The following PID1 variants were observed in gnomAD, a reference collection of about 807,000 sequenced individuals.
PID1 encodes the protein phosphotyrosine interaction domain containing 1, also known as PTB-containing, cubilin and LRP1-interacting protein.
In PID1, 10 loss-of-function variants were observed where a neutral mutation model predicts 19.1. That is an observed-to-expected ratio of 0.52 (90% CI 0.32 to 0.89). The LOEUF (loss-of-function observed/expected upper bound fraction) is 0.89, where lower values mean the gene tolerates loss of function less well. Ranked by LOEUF, PID1 falls within the 40% of genes least tolerant of loss-of-function variation. The probability of loss-of-function intolerance (pLI) is 0.03; values close to 1 mark genes in which losing one functional copy is unlikely to be tolerated. For missense variants in PID1, 248 were observed against 285.3 expected (o/e 0.87, Z 0.94); for synonymous variants, 130 against 116.0 (o/e 1.12, Z -0.78).
chr2:229,079,773 G>A (rs1694634667), intron 2 of PID1, among the ~76,000 whole-genome samples: 1 of 152,198 alleles, frequency 6.6e-6, no homozygotes, highest in South Asian at 2.1e-4. Flanking sequence ...AGTTAAAAGA[G>A]CAGAGCCTGG....
intron 2 of PID1, among the ~76,000 whole-genome samples, chr2:229,030,497 AGGT>A (rs1693523315): frequency 1.3e-5 from 2 of 152,182 alleles, no homozygotes; most frequent in Non-Finnish European, 2.9e-5. Flanking sequence ...GCCTGAAATG[AGGT>A]ATATTTATTT....
chr2:229,141,090 T>C (rs1380501316), intron 2 of PID1, among the ~76,000 whole-genome samples: 2 of 152,140 alleles, frequency 1.3e-5, no homozygotes, highest in Non-Finnish European at 2.9e-5. Flanking sequence ...CTCTCTGCTC[T>C]TTCTCTTCCA....
intron 2 of PID1, among the ~76,000 whole-genome samples, chr2:229,031,972 AT>A (rs1230564881): frequency 6.6e-6 from 1 of 152,122 alleles, no homozygotes; most frequent in African/African-American, 2.4e-5. Context: ...TTCCCTCTTT[AT>A]TTTTTTGTAT....
intron 1 of PID1, among the ~76,000 whole-genome samples, chr2:229,203,734 A>G (rs1044560350): frequency 3.3e-5 from 5 of 152,066 alleles, no homozygotes; most frequent in Admixed American, 2.6e-4. Flanking sequence ...CATGATCACC[A>G]TCTACACACA....
intron 1 of PID1, among the ~76,000 whole-genome samples, chr2:229,182,298 CTG>C (rs1690962962): frequency 6.6e-6 from 1 of 152,038 alleles, no homozygotes; most frequent in African/African-American, 2.4e-5. Flanking sequence ...AAGGGGGAGG[CTG>C]TGTGTTTTGA....
At chr2:229,044,584 A>C (rs143326660) in intron 2 of PID1, among the ~76,000 whole-genome samples, 1 of 152,318 alleles carries the variant, frequency 6.6e-6, no homozygotes, top group African/African-American at 2.4e-5. Flanking sequence ...TTGGAAAGTC[A>C]AACTTGATTT....
intron 2 of PID1, among the ~76,000 whole-genome samples, chr2:229,048,084 C>T (rs906592184): frequency 1.3e-5 from 2 of 152,204 alleles, no homozygotes; most frequent in African/African-American, 4.8e-5. Flanking sequence ...ATACATTCTA[C>T]TCATCATACC....
chr2:229,039,479 AG>A (rs2106172666), intron 2 of PID1, among the ~76,000 whole-genome samples: 2 of 152,352 alleles, frequency 1.3e-5, no homozygotes, highest in Non-Finnish European at 2.9e-5. Context: ...TTAAAATGAC[AG>A]TCTTTAACAT....
At position 229,139,062 on chromosome 2, in the gene PID1, A is replaced by C. The variant is rs1459214379; in HGVS notation, c.177+16756T>G. Among the ~76,000 whole-genome samples the C allele has an allele frequency of 9.4e-4, 36 of 38,304 alleles. 3 individuals carry two copies. The highest frequency in any genetic ancestry group is 0.013 in the Middle Eastern group (1 of 80). The allele number at this position is 38,304 out of a possible 152,430, so 25.1% of individuals were successfully genotyped here. On this transcript the variant is annotated intron_variant, in intron 2 of 2. Transcript: ENST00000392055. ...AAGAGAAAGAAAGAAAGAAAGAGAA[A>C]GAAAGAAAGAAAGAAAGAAAGAAAG...
chr2:229,155,207 A>G (rs1322235491), intron 2 of PID1, among the ~76,000 whole-genome samples: 2 of 152,160 alleles, frequency 1.3e-5, no homozygotes, highest in African/African-American at 4.8e-5. Context: ...TTTCTTGTGA[A>G]CTCCAAAGTT....
At position 229,163,674 on chromosome 2, in the gene PID1, T is replaced by TGTGTGTGTGTGTGTGCGCGC. The variant is rs374622113; in HGVS notation, c.31-7711_31-7710insGCGCGCACACACACACACAC. On this transcript the variant is annotated intron_variant, in intron 1 of 2. Coordinates refer to ENST00000392055, the MANE Select transcript of PID1 (RefSeq NM_001100818.2). The stretch of plus-strand genomic sequence containing the variant: ...GAGTGTGTGTGTGTGTGTGTGTGTG[T>TGTGTGTGTGTGTGTGCGCGC]GCGTGTGCGTGTGTGTGTGTGTATA... Among the ~76,000 whole-genome samples, 216 of 94,470 alleles carry TGTGTGTGTGTGTGTGCGCGC rather than the reference T, an allele frequency of 2.3e-3. 2 individuals are homozygous for TGTGTGTGTGTGTGTGCGCGC. The highest frequency in any genetic ancestry group is 6.5e-3 in the African/African-American group (210 of 32,304). The allele number at this position is 94,470 out of a possible 152,430, so 62.0% of individuals were successfully genotyped here.
At chr2:229,130,236 C>T (rs1689702682) in intron 2 of PID1, among the ~76,000 whole-genome samples, 1 of 152,136 alleles carries the variant, frequency 6.6e-6, no homozygotes, top group Non-Finnish European at 1.5e-5. Flanking sequence ...GCCAGACAGC[C>T]CTCAGCCCAC....
intron 2 of PID1, among the ~76,000 whole-genome samples, chr2:229,149,868 G>A (rs1048913610): frequency 1.5e-4 from 23 of 152,058 alleles, no homozygotes; most frequent in African/African-American, 4.8e-4. Flanking sequence ...AAGCGCTGCC[G>A]GATAGGCTGC....
chr2:229,150,227 C>T (rs1442336388), intron 2 of PID1, among the ~76,000 whole-genome samples: 2 of 53,250 alleles, frequency 3.8e-5, no homozygotes, highest in African/African-American at 7.4e-5. Context: ...CAGAGTGAGA[C>T]TCAAAAAAAA....
chr2:229,182,797 T>G (rs935205063), intron 1 of PID1, among the ~76,000 whole-genome samples: 1 of 152,206 alleles, frequency 6.6e-6, no homozygotes, highest in Non-Finnish European at 1.5e-5. Context: ...TGCCCAGGTC[T>G]GGGGAAATCC....
rs181790061 is a variant in PID1 at position 229,256,577 on chromosome 2, G to C, written c.30+14437C>G. 1.4e-4 allele frequency among the ~76,000 whole-genome samples: 21 copies of C among 152,298 alleles called. No homozygotes were observed. The East Asian group carries it at 4.1e-3, about 29-fold the overall frequency. ...TGCACTAAGTAATCAGCCTGACTTT[G>C]TTTCATCTAAGGCTTCCCCAAATTA... On this transcript the variant is annotated intron_variant, in intron 1 of 2. Transcript: ENST00000392055.
chr2:229,162,252 T>C (rs16825797), intron 1 of PID1, among the ~76,000 whole-genome samples: 2,345 of 152,342 alleles, frequency 0.015, 28 homozygotes, highest in Non-Finnish European at 0.025. Context: ...TGTATAATTT[T>C]ACAGTTGGCG....
At chr2:229,092,192 A>C (rs893714667) in intron 2 of PID1, among the ~76,000 whole-genome samples, 1 of 112,094 alleles carries the variant, frequency 8.9e-6, no homozygotes, top group African/African-American at 5.9e-5. Flanking sequence ...ATTTTAGCTC[A>C]GTTCAATCTT....
chr2:229,254,877 A>T (rs1690251637), intron 1 of PID1, among the ~76,000 whole-genome samples: 4 of 152,204 alleles, frequency 2.6e-5, no homozygotes, highest in Admixed American at 2.6e-4. Context: ...TTCTGTGGGC[A>T]GCACCATCCC....
Sources: allele counts gnomAD v4.1 joint callset (sites outside exome capture counted in the v4.1 genomes callset), GRCh38; gene constraint gnomAD v4.1.1; transcripts MANE v1.5; gene names NCBI Gene and HGNC (gene_info 2026-07-23, HGNC 2026-07-21).